The following RTL4 variants were observed in gnomAD, a reference collection of about 807,000 sequenced individuals.
RTL4 encodes the protein retrotransposon Gag like 4.
In RTL4, 4 loss-of-function variants were observed where a neutral mutation model predicts 5.3. That is an observed-to-expected ratio of 0.75 (90% CI 0.37 to 1.72). The LOEUF (loss-of-function observed/expected upper bound fraction) is 1.72, where lower values mean the gene tolerates loss of function less well. RTL4 is among the 40% of genes most tolerant of loss of function. The pLI, the probability that RTL4 is intolerant of heterozygous loss-of-function variation, is 0.04. For missense variants in RTL4, 260 were observed against 227.1 expected (o/e 1.14, Z -0.93); for synonymous variants, 98 against 87.3 (o/e 1.12, Z -0.68).
the RTL4 span, among the ~76,000 whole-genome samples, chrX:112,180,110 C>T: frequency 2.7e-5 from 3 of 111,214 alleles, no homozygotes; most frequent in Non-Finnish European, 5.6e-5. Flanking sequence ...GTGGTTTGCA[C>T]TTATGATATC....
chrX:112,184,316 C>T, the RTL4 span, among the ~76,000 whole-genome samples: 4 of 108,385 alleles, frequency 3.7e-5, no homozygotes, highest in African/African-American at 6.8e-5. Context: ...CAAACCTGCA[C>T]GTTGTGCACA....
the RTL4 span, among the ~76,000 whole-genome samples, chrX:112,084,584 C>T: frequency 9.0e-6 from 1 of 111,141 alleles, no homozygotes; most frequent in African/African-American, 3.3e-5. Flanking sequence ...AATATACAGT[C>T]TCCCAAACAA....
the RTL4 span, among the ~76,000 whole-genome samples, chrX:112,139,473 T>G: frequency 3.6e-5 from 4 of 112,272 alleles, no homozygotes; most frequent in Non-Finnish European, 7.5e-5. Flanking sequence ...TTTGAGGTTA[T>G]GTTAATACCC....
chrX:112,209,428 A>T, the RTL4 span, among the ~76,000 whole-genome samples: 20 of 112,223 alleles, frequency 1.8e-4, no homozygotes, highest in Non-Finnish European at 5.6e-5. Context: ...GCTGTCCTTC[A>T]GGGATGTCCT....
chrX:112,343,896 C>T, the RTL4 span, among the ~76,000 whole-genome samples: 2 of 111,602 alleles, frequency 1.8e-5, no homozygotes, highest in Non-Finnish European at 3.8e-5. Context: ...CCCCTCTAGC[C>T]AATACTGATC....
At chrX:112,360,826 G>A in the RTL4 span, among the ~76,000 whole-genome samples, 1 of 110,801 alleles carries the variant, frequency 9.0e-6, no homozygotes, top group Non-Finnish European at 1.9e-5. Context: ...CATTAAACCT[G>A]ATAGTCACAA....
the RTL4 span, among the ~76,000 whole-genome samples, chrX:112,096,313 C>T: frequency 1.8e-5 from 2 of 112,097 alleles, no homozygotes; most frequent in South Asian, 7.5e-4. Flanking sequence ...AGGCTGGGTG[C>T]CCAGCTCTGA....
At chrX:112,144,551 G>T in the RTL4 span, among the ~76,000 whole-genome samples, 1 of 111,488 alleles carries the variant, frequency 9.0e-6, no homozygotes, top group African/African-American at 3.3e-5. Context: ...CTAAGATTTG[G>T]ACCAGCTAAA....
the RTL4 span, among the ~76,000 whole-genome samples, chrX:112,327,675 G>A: frequency 7.3e-5 from 8 of 109,850 alleles, no homozygotes; most frequent in South Asian, 7.9e-4. Context: ...GATACTCCTC[G>A]AGAAGAGGAA....
chrX:112,399,661 G>A, the RTL4 span, among the ~76,000 whole-genome samples: 1 of 111,250 alleles, frequency 9.0e-6, no homozygotes, highest in Non-Finnish European at 1.9e-5. Context: ...TAAGAAAAGT[G>A]TATATTTACC....
the RTL4 span, among the ~76,000 whole-genome samples, chrX:112,311,185 A>T: frequency 9.1e-6 from 1 of 109,748 alleles, no homozygotes; most frequent in Non-Finnish European, 1.9e-5. Flanking sequence ...AATTTTGGGG[A>T]TTGTGAGTAG....
the RTL4 span, among the ~76,000 whole-genome samples, chrX:112,419,575 G>GTGTATATATA: frequency 4.3e-5 from 2 of 46,274 alleles, no homozygotes; most frequent in East Asian, 7.4e-4. Flanking sequence ...GGCCAAGGTA[G>GTGTATATATA]TATATATATA....
At chrX:112,310,347 C>G in the RTL4 span, among the ~76,000 whole-genome samples, 1 of 35,945 alleles carries the variant, frequency 2.8e-5, no homozygotes, top group Non-Finnish European at 4.7e-5. Flanking sequence ...ACTGGAGAAC[C>G]AAATTGGCCA....
chrX:112,101,740 A>T, the RTL4 span, among the ~76,000 whole-genome samples: 4 of 111,305 alleles, frequency 3.6e-5, no homozygotes, highest in East Asian at 1.1e-3. Context: ...GATATTTGCA[A>T]ATGTAATTAA....
At chrX:112,233,410 A>G in the RTL4 span, among the ~76,000 whole-genome samples, 1 of 109,746 alleles carries the variant, frequency 9.1e-6, no homozygotes, top group African/African-American at 3.3e-5. Flanking sequence ...GAGTCAATGG[A>G]CTTTGAAGCT....
the RTL4 span, among the ~76,000 whole-genome samples, chrX:112,193,041 G>T: frequency 8.3e-3 from 923 of 111,548 alleles, 6 homozygotes; most frequent in Middle Eastern, 0.014. Context: ...TTGGTTGACA[G>T]GTTTTTTATT....
At chrX:112,083,089 C>A in the RTL4 span, among the ~76,000 whole-genome samples, 2 of 110,570 alleles carry the variant, frequency 1.8e-5, no homozygotes, top group African/African-American at 3.3e-5. Context: ...CCCGCTGCCC[C>A]GTCCCACCGT....
the RTL4 span, among the ~76,000 whole-genome samples, chrX:112,183,804 A>G: frequency 1.8e-5 from 2 of 111,842 alleles, no homozygotes; most frequent in Non-Finnish European, 3.8e-5. Context: ...CCCAGAACTT[A>G]AAGTATAATA....
the RTL4 span, among the ~76,000 whole-genome samples, chrX:112,373,997 G>A: frequency 7.2e-5 from 8 of 111,064 alleles, no homozygotes; most frequent in Non-Finnish European, 1.3e-4. Flanking sequence ...AATGTTGACT[G>A]TTGATGCATG....
Sources: gnomAD v4.1 joint callset for allele counts (sites outside exome capture counted in the v4.1 genomes callset) on GRCh38, gnomAD v4.1.1 for gene constraint, MANE v1.5 for transcripts, NCBI Gene and HGNC (gene_info 2026-07-23, HGNC 2026-07-21) for gene names.